HERC1: variants seen among roughly 807,000 people sequenced by gnomAD.
HERC1 encodes the protein probable E3 ubiquitin-protein ligase HERC1.
HERC1 carries 160 observed loss-of-function variants against 554.3 expected under a neutral mutation model. The observed-to-expected ratio is 0.29, with a 90% CI of 0.25 to 0.33. The LOEUF is 0.33. Ranked by LOEUF, HERC1 falls within the 10% of genes least tolerant of loss-of-function variation. The pLI, the probability that HERC1 is intolerant of heterozygous loss-of-function variation, is 1.00. For synonymous variants in HERC1, 2,175 were observed against 2,131.7 expected (o/e 1.02, Z -0.56); for missense variants, 4,919 against 5,918.5 (o/e 0.83, Z 5.54).
intron 1 of HERC1, among the ~76,000 whole-genome samples, chr15:63,804,182 T>C (rs1199821163): frequency 6.6e-6 from 1 of 152,232 alleles, no homozygotes; most frequent in African/African-American, 2.4e-5. Flanking sequence ...AAAAAGTCTC[T>C]AGAAGAAAAC....
intron 14 of HERC1, among the ~76,000 whole-genome samples, chr15:63,731,279 C>T (rs1022123920): frequency 1.6e-4 from 24 of 152,056 alleles, no homozygotes; most frequent in Non-Finnish European, 2.8e-4. Flanking sequence ...AATATGAGAA[C>T]ACTGTAGGGC....
chr15:63,682,574 T>C (rs2071532512), intron 34 of HERC1, among the ~76,000 whole-genome samples: 1 of 152,124 alleles, frequency 6.6e-6, no homozygotes, highest in African/African-American at 2.4e-5. Context: ...AGTTTGAGAC[T>C]ACCTTGGGCA....
At chr15:63,763,579 C>CTT (rs368105722) in intron 3 of HERC1, among the ~76,000 whole-genome samples, 3 of 141,798 alleles carry the variant, frequency 2.1e-5, no homozygotes, top group Admixed American at 7.1e-5. Context: ...AAAGACTTTC[C>CTT]TTTTTTTTTT....
At chr15:63,639,979 G>A (rs1224433178) in intron 61 of HERC1, among the ~76,000 whole-genome samples, 173 bp downstream of exon 61, 1 of 146,956 alleles carries the variant, frequency 6.8e-6, no homozygotes, top group African/African-American at 2.4e-5. Flanking sequence ...TGTCACTATG[G>A]AGGCCTGCCA....
intron 1 of HERC1, among the ~76,000 whole-genome samples, chr15:63,776,787 G>A (rs2076131376): frequency 6.6e-6 from 1 of 152,138 alleles, no homozygotes; most frequent in Admixed American, 6.5e-5. Flanking sequence ...ACAACACAGT[G>A]AGATCTCGTC....
In HERC1 at chr15:63,727,137, G is replaced by A. The variant is rs1243970674; in HGVS notation, c.3346+510C>T. ...CTAAAAATACAAAAATTAGCTGGAC[G>A]TGGTGGTGCATGCCTGTAATCCCAG... On this transcript the variant is annotated intron_variant, in intron 17 of 77. Coordinates refer to ENST00000443617, the MANE Select transcript of HERC1 (RefSeq NM_003922.4). The surrounding 1 kb of genome is among the most constrained non-coding windows in gnomAD (Gnocchi z 4.3). Among the ~76,000 whole-genome samples the A allele has an allele frequency of 3.3e-5, 5 of 152,058 alleles. No individual in the cohort carries two copies. The highest frequency in any genetic ancestry group is 4.8e-5 in the African/African-American group (2 of 41,386).
intron 55 of HERC1, among the ~76,000 whole-genome samples, chr15:63,646,721 T>C (rs1447613949): frequency 6.6e-6 from 1 of 150,702 alleles, no homozygotes. Context: ...GGCAGGAAAA[T>C]TGCTTGAACC....
At chr15:63,787,313 C>T (rs1161998447) in intron 1 of HERC1, among the ~76,000 whole-genome samples, 9 of 151,046 alleles carry the variant, frequency 6.0e-5, no homozygotes, top group East Asian at 2.0e-4. Flanking sequence ...TGCACCACCA[C>T]ACCCAGCTAA....
intron 1 of HERC1, among the ~76,000 whole-genome samples, chr15:63,782,550 G>A (rs1402824492): frequency 6.6e-6 from 1 of 152,196 alleles, no homozygotes; most frequent in Non-Finnish European, 1.5e-5. Flanking sequence ...CTCTACTGGA[G>A]ATGTACAAGG....
At chr15:63,663,882 T>G (rs2070481049) in intron 43 of HERC1, among the ~76,000 whole-genome samples, 1 of 152,290 alleles carries the variant, frequency 6.6e-6, no homozygotes, top group Non-Finnish European at 1.5e-5. Flanking sequence ...TGTAAATTAC[T>G]GAATCATTAC....
intron 27 of HERC1, among the ~76,000 whole-genome samples, chr15:63,695,383 C>CATT (rs1567023180): frequency 9.7e-6 from 1 of 103,306 alleles, no homozygotes. Flanking sequence ...TCTGTATAAT[C>CATT]TTTTTTTTTT....
At position 63,648,256 on chromosome 15, in the gene HERC1, T is replaced by A. The variant is rs1284883718; in HGVS notation, c.10748-57A>T. ...AGATAATTATTTGTCATTGTCTGAC[T>A]TAAAAGACAGAGACTTTGAAACAAA... On this transcript the variant is annotated intron_variant, in intron 54 of 77. Coordinates refer to ENST00000443617, the MANE Select transcript of HERC1 (RefSeq NM_003922.4). 2.0e-6 allele frequency: 3 copies of A among 1,497,426 alleles called. No individual in the cohort carries two copies. In the African/African-American group the frequency reaches 4.2e-5, roughly 21 times the overall value. 92.8% of individuals were successfully genotyped at this position (1,497,426 alleles called of 1,614,324 possible). A position where few individuals can be genotyped will look rare whatever the true frequency, so the allele number is the denominator to read the frequency against.
intron 74 of HERC1, among the ~76,000 whole-genome samples, chr15:63,620,158 G>A (rs1177986306): frequency 6.6e-6 from 1 of 152,008 alleles, no homozygotes; most frequent in East Asian, 1.9e-4. Context: ...TCTACACACT[G>A]CTTTGAATGT....
chr15:63,829,511 CATAT>C (rs199643850), intron 1 of HERC1, among the ~76,000 whole-genome samples: 8 of 109,448 alleles, frequency 7.3e-5, no homozygotes, highest in Admixed American at 2.0e-4. Flanking sequence ...CACACACACA[CATAT>C]ATAAATAATA....
intron 1 of HERC1, among the ~76,000 whole-genome samples, chr15:63,787,762 C>T (rs74808141): frequency 6.6e-6 from 1 of 151,854 alleles, no homozygotes; most frequent in East Asian, 1.9e-4. Context: ...TTTTAAAAAA[C>T]TTACTAACCT....
At chr15:63,794,163 C>T (rs553390197) in intron 1 of HERC1, among the ~76,000 whole-genome samples, 2 of 152,282 alleles carry the variant, frequency 1.3e-5, no homozygotes, top group South Asian at 4.1e-4. Context: ...CAACATATAA[C>T]CATAAAAATG....
In HERC1 at chr15:63,746,945, G is replaced by A. The variant is rs1448774368; in HGVS notation, c.2493C>T (p.Asp831=). ...PLRNLLFRLM[D]STVPDEIQEV... ...CTTGGATTTCATCTGGGACAGTTGA[G>A]TCCATCAGTCTGAAGAGCAAATTTC... The change falls in exon 12 of 78, where the codon GAC becomes GAT. Residue 831 remains aspartate (D), a synonymous_variant. Transcript: ENST00000443617. 1.9e-6 allele frequency: 3 copies of A among 1,552,620 alleles called. No homozygotes were observed. The highest frequency in any genetic ancestry group is 2.6e-6 in the Non-Finnish European group (3 of 1,147,560).
In HERC1 at chr15:63,648,123, C is replaced by T. The variant is rs2069454015; in HGVS notation, c.10824G>A (p.Leu3608=). ...AVGYFDGKLL[L]GTKEPLEKGG... is the part of the protein sequence containing the mutation. ...CTTTCTCAAGTGGTTCCTTTGTTCC[C>T]AGTAACAGTTTTCCATCAAAATATC... Residue 3608 remains leucine (L), a synonymous_variant, in exon 55 of 78, where the codon CTG becomes CTA. Coordinates refer to ENST00000443617, the MANE Select transcript of HERC1 (RefSeq NM_003922.4). 3 of 1,580,878 alleles carry T rather than the reference C, an allele frequency of 1.9e-6. No homozygotes were observed. The highest frequency in any genetic ancestry group is 1.8e-5 in the Admixed American group (1 of 54,876).
chr15:63,833,522 A>G (rs1004791090), intron 1 of HERC1, among the ~76,000 whole-genome samples: 3 of 151,922 alleles, frequency 2.0e-5, no homozygotes, highest in Non-Finnish European at 4.4e-5. Flanking sequence ...AAGCCGCTGG[A>G]GGGGCGGGTC....
Sources: gnomAD v4.1 joint callset for allele counts (sites outside exome capture counted in the v4.1 genomes callset) on GRCh38, gnomAD v4.1.1 for gene constraint, Gnocchi (gnomAD v3.1) non-coding constraint, MANE v1.5 for transcripts, NCBI Gene and HGNC (gene_info 2026-07-23, HGNC 2026-07-21) for gene names.